GABRB1: variants seen among roughly 807,000 people sequenced by gnomAD.
GABRB1 encodes gamma-aminobutyric acid type A receptor subunit beta1.
In GABRB1, 17 loss-of-function variants were observed where a neutral mutation model predicts 51.6. That is an observed-to-expected ratio of 0.33 (90% CI 0.23 to 0.49). The LOEUF (loss-of-function observed/expected upper bound fraction) is 0.49, where lower values mean the gene tolerates loss of function less well. Ranked by LOEUF, GABRB1 falls within the 20% of genes least tolerant of loss-of-function variation. GABRB1 has a pLI of 0.99. For synonymous variants in GABRB1, 247 were observed against 218.9 expected, an observed-to-expected ratio of 1.13 and a Z score of -1.14; for missense variants, 410 against 600.6, an observed-to-expected ratio of 0.68 and a Z score of 3.32.
intron 3 of GABRB1, among the ~76,000 whole-genome samples, chr4:47,044,221 G>A (rs1382680007): frequency 2.0e-5 from 3 of 152,036 alleles, no homozygotes; most frequent in South Asian, 4.1e-4. Context: ...CTGTGTTAAC[G>A]AGGCAAGATG....
chr4:47,314,427 T>C (rs1724811581), intron 4 of GABRB1, among the ~76,000 whole-genome samples: 1 of 151,996 alleles, frequency 6.6e-6, no homozygotes, highest in African/African-American at 2.4e-5. Context: ...TCTGAATCAA[T>C]GGTTCAATAT....
intron 5 of GABRB1, among the ~76,000 whole-genome samples, chr4:47,354,005 C>T (rs1478592935): frequency 6.6e-6 from 1 of 152,028 alleles, no homozygotes; most frequent in African/African-American, 2.4e-5. Context: ...CAGCATCCAC[C>T]AGTATTAAAA....
chr4:47,153,124 G>T lies in GABRB1; in HGVS notation c.241-8125G>T, dbSNP rs370591080. Among the ~76,000 whole-genome samples the T allele has an allele frequency of 2.7e-4, 41 of 152,126 alleles. 1 individual carries two copies. The East Asian group carries it at 6.2e-3, about 23-fold the overall frequency. ...GTGGAAAAGCCTGGAAATAAGCAGT[G>T]CTAAGTCTCCCCCACTAGCCTATGA... On this transcript the variant is annotated intron_variant, in intron 3 of 8. Transcript: ENST00000295454.
intron 4 of GABRB1, among the ~76,000 whole-genome samples, chr4:47,294,995 C>G (rs889358391): frequency 1.3e-5 from 2 of 152,218 alleles, no homozygotes; most frequent in African/African-American, 4.8e-5. Flanking sequence ...CCCAGGCAAA[C>G]AGGGTCTGGA....
At chr4:47,102,920 T>C (rs1435375750) in intron 3 of GABRB1, among the ~76,000 whole-genome samples, 1 of 151,926 alleles carries the variant, frequency 6.6e-6, no homozygotes, top group Non-Finnish European at 1.5e-5. Context: ...GATCCAAAAA[T>C]ATAAAATGGG....
intron 5 of GABRB1, among the ~76,000 whole-genome samples, chr4:47,355,915 C>G (rs1259362562): frequency 6.6e-6 from 1 of 152,118 alleles, no homozygotes; most frequent in African/African-American, 2.4e-5. Flanking sequence ...AATTATTTAA[C>G]CCTTCTAAGT....
intron 5 of GABRB1, among the ~76,000 whole-genome samples, chr4:47,379,549 G>A (rs143387411): frequency 2.3e-4 from 35 of 152,190 alleles, no homozygotes; most frequent in Non-Finnish European, 4.0e-4. Flanking sequence ...TTTTTACTAT[G>A]ATATTTTCAA....
chr4:47,162,025 A>G (rs958416252), intron 4 of GABRB1, among the ~76,000 whole-genome samples: 1 of 152,096 alleles, frequency 6.6e-6, no homozygotes, highest in African/African-American at 2.4e-5. Flanking sequence ...TTTGGTCTTC[A>G]TTTGCACAGT....
intron 5 of GABRB1, among the ~76,000 whole-genome samples, chr4:47,366,731 T>C (rs1726998150): frequency 1.3e-5 from 2 of 152,204 alleles, no homozygotes; most frequent in Non-Finnish European, 2.9e-5. Context: ...GGTAGACTTT[T>C]TCATGAGATG....
At chr4:47,163,078 G>A (rs1718030964) in intron 4 of GABRB1, among the ~76,000 whole-genome samples, 1 of 151,980 alleles carries the variant, frequency 6.6e-6, no homozygotes, top group Admixed American at 6.6e-5. Flanking sequence ...ATGACATCTA[G>A]TGTCAGAGGA....
At chr4:47,225,904 T>A (rs959823400) in intron 4 of GABRB1, among the ~76,000 whole-genome samples, 2 of 152,106 alleles carry the variant, frequency 1.3e-5, no homozygotes, top group African/African-American at 4.8e-5. Flanking sequence ...TCCAAAAATA[T>A]CAAGCATTTT....
chr4:47,303,854 A>C (rs759635387), intron 4 of GABRB1, among the ~76,000 whole-genome samples: 1 of 151,972 alleles, frequency 6.6e-6, no homozygotes, highest in Non-Finnish European at 1.5e-5. Context: ...CCAGCATTCT[A>C]TTCTCTACTT....
intron 4 of GABRB1, among the ~76,000 whole-genome samples, chr4:47,297,575 G>C (rs1342984338): frequency 6.6e-6 from 1 of 152,066 alleles, no homozygotes; most frequent in Non-Finnish European, 1.5e-5. Flanking sequence ...TTGAATCTCT[G>C]AATAGACCAA....
chr4:47,246,311 C>T lies in GABRB1; in HGVS notation c.462-73816C>T, dbSNP rs182280816. ...ATATATATATATATACACACACACA[C>T]ACACACACACACACACACATATGTA... On this transcript the variant is annotated intron_variant, in intron 4 of 8. Coordinates refer to ENST00000295454, the MANE Select transcript of GABRB1 (RefSeq NM_000812.4). Among the ~76,000 whole-genome samples, 584 of 86,658 alleles carry T rather than the reference C, an allele frequency of 6.7e-3. 71 individuals carry two copies. The East Asian group carries it at 0.15, about 22-fold the overall frequency. The allele number at this position is 86,658 out of a possible 152,430, so 56.9% of individuals were successfully genotyped here. A position where few individuals can be genotyped will look rare whatever the true frequency, so the allele number is the denominator to read the frequency against.
At chr4:47,288,355 TG>T (rs1159938092) in intron 4 of GABRB1, among the ~76,000 whole-genome samples, 1 of 151,958 alleles carries the variant, frequency 6.6e-6, no homozygotes, top group Non-Finnish European at 1.5e-5. Flanking sequence ...CTCTGCCTCC[TG>T]GGTTCAAGTG....
intron 5 of GABRB1, among the ~76,000 whole-genome samples, chr4:47,359,929 A>G (rs1303373808): frequency 2.0e-5 from 3 of 152,066 alleles, no homozygotes; most frequent in East Asian, 1.9e-4. Flanking sequence ...TAAGCAAAAA[A>G]TGATCTGTGT....
intron 3 of GABRB1, among the ~76,000 whole-genome samples, chr4:47,038,272 C>T (rs939841930): frequency 2.0e-5 from 3 of 152,162 alleles, no homozygotes; most frequent in Admixed American, 6.5e-5. Flanking sequence ...AATCTAGGGC[C>T]TCTTGAATCA....
intron 1 of GABRB1, chr4:46,994,447 G>GC (rs1302637664): frequency 6.6e-6 from 1 of 152,292 alleles, no homozygotes; most frequent in Non-Finnish European, 1.5e-5. Flanking sequence ...GAGAGAGTGG[G>GC]GGGGGAAAGA....
chr4:47,350,359 T>C (rs947686428), intron 5 of GABRB1, among the ~76,000 whole-genome samples: 1 of 150,846 alleles, frequency 6.6e-6, no homozygotes, highest in African/African-American at 2.4e-5. Context: ...ACAATTTTAA[T>C]ATATATTAAT....
Sources: allele counts gnomAD v4.1 joint callset (sites outside exome capture counted in the v4.1 genomes callset), GRCh38; gene constraint gnomAD v4.1.1; transcripts MANE v1.5; gene names NCBI Gene and HGNC (gene_info 2026-07-23, HGNC 2026-07-21).